Variants in BAALC observed in about 807,000 individuals in gnomAD.
The protein encoded by BAALC is BAALC binder of MAP3K1 and KLF4, also known as brain and acute leukemia cytoplasmic protein.
In BAALC, 9 loss-of-function variants were observed where a neutral mutation model predicts 15.5. That is an observed-to-expected ratio of 0.58 (90% CI 0.35 to 1.02). BAALC has a LOEUF of 1.02. Among genes scored for constraint, BAALC ranks in the 50% least tolerant of loss-of-function variants. The pLI is 0.02. For synonymous variants in BAALC, 80 were observed against 74.6 expected (o/e 1.07, Z -0.37); for missense variants, 201 against 192.4 (o/e 1.04, Z -0.27).
intron 1 of BAALC, among the ~76,000 whole-genome samples, chr8:103,190,519 T>C (rs1385671011): frequency 1.3e-5 from 2 of 152,228 alleles, no homozygotes; most frequent in Non-Finnish European, 2.9e-5. Context: ...ATTTCTGTTT[T>C]CTTGACTATT....
At chr8:103,227,869 T>C (rs1812840845) in intron 2 of BAALC, 120 bp from the exon 3 acceptor site, 1 of 681,984 alleles carries the variant, frequency 1.5e-6, no homozygotes, top group Middle Eastern at 3.7e-4. Context: ...TATGTTCCTT[T>C]TTCCCAGGCA....
intron 2 of BAALC, among the ~76,000 whole-genome samples, chr8:103,217,140 A>T (rs1024048336): frequency 6.6e-6 from 1 of 152,226 alleles, no homozygotes; most frequent in African/African-American, 2.4e-5. Flanking sequence ...TTTTGTTTTC[A>T]TAATTAAATG....
intron 1 of BAALC, among the ~76,000 whole-genome samples, chr8:103,206,719 T>C (rs1225468845): frequency 6.6e-6 from 1 of 151,886 alleles, no homozygotes; most frequent in Admixed American, 6.6e-5. Flanking sequence ...GAGCCTGAGA[T>C]GGAGATTTTG....
chr8:103,171,644 A>G (rs1811497543), intron 1 of BAALC, among the ~76,000 whole-genome samples: 1 of 152,162 alleles, frequency 6.6e-6, no homozygotes, highest in Non-Finnish European at 1.5e-5. Flanking sequence ...GAGCTAGAAA[A>G]CACTAGTTCT....
chr8:103,180,343 G>A (rs1313260907), intron 1 of BAALC, among the ~76,000 whole-genome samples: 1 of 152,154 alleles, frequency 6.6e-6, no homozygotes. Context: ...TGGCACCCAG[G>A]AACTGAATCT....
intron 1 of BAALC, among the ~76,000 whole-genome samples, chr8:103,181,466 G>T (rs978349912): frequency 1.3e-5 from 2 of 151,544 alleles, no homozygotes; most frequent in African/African-American, 4.8e-5. Flanking sequence ...AGAGATGGGG[G>T]TTTCACCATG....
At chr8:103,216,497 A>C (rs989454758) in intron 2 of BAALC, among the ~76,000 whole-genome samples, 12 of 152,248 alleles carry the variant, frequency 7.9e-5, no homozygotes, top group African/African-American at 2.9e-4. Context: ...GTATTTATCT[A>C]TTTATTTATA....
chr8:103,140,960 G>T lies in BAALC; in HGVS notation c.63G>T (p.Arg21=). 6.5e-7 allele frequency: 1 copy of T among 1,541,850 alleles called. No homozygotes were observed. The highest frequency in any genetic ancestry group is 1.2e-5 in the South Asian group (1 of 83,244). ...IEPRYYESWT[R]ETESTWLTYT... ...CCCGCTACTACGAGAGCTGGACCCG[G>T]GAGACAGAATCCACCTGGCTCACCT... Residue 21 remains arginine, a synonymous_variant, in exon 1 of 3, where the codon CGG becomes CGT. Coordinates refer to ENST00000309982, the MANE Select transcript of BAALC (RefSeq NM_024812.3). The surrounding 1 kb of genome is among the most constrained non-coding windows in gnomAD (Gnocchi z 4.2).
At chr8:103,199,624 A>G (rs1331522685) in intron 1 of BAALC, among the ~76,000 whole-genome samples, 1 of 152,020 alleles carries the variant, frequency 6.6e-6, no homozygotes, top group Non-Finnish European at 1.5e-5. Flanking sequence ...TATTTCTTAC[A>G]TCTAATAAAG....
chr8:103,148,227 C>A (rs1418103814), intron 1 of BAALC, among the ~76,000 whole-genome samples: 2 of 152,148 alleles, frequency 1.3e-5, no homozygotes, highest in Admixed American at 6.5e-5. Flanking sequence ...ACAGGGAGAA[C>A]TCCATGTGGA....
chr8:103,217,788 T>C (rs1422301504), intron 2 of BAALC, among the ~76,000 whole-genome samples: 3 of 152,234 alleles, frequency 2.0e-5, no homozygotes, highest in African/African-American at 7.2e-5. Context: ...GGAAAATTTT[T>C]TAATCAGTTC....
intron 1 of BAALC, among the ~76,000 whole-genome samples, chr8:103,206,849 G>A (rs190726966): frequency 1.3e-4 from 20 of 152,296 alleles, no homozygotes; most frequent in African/African-American, 4.8e-4. Context: ...TCTAGCCTCA[G>A]CCTGATCCTA....
intron 1 of BAALC, chr8:103,208,198 T>C (rs1812371875): frequency 6.6e-6 from 1 of 152,230 alleles, no homozygotes; most frequent in Admixed American, 6.5e-5. Flanking sequence ...CAGTGCAATA[T>C]GTGTGCAGGC....
chr8:103,146,899 A>G (rs781503819), intron 1 of BAALC, among the ~76,000 whole-genome samples: 80 of 152,142 alleles, frequency 5.3e-4, no homozygotes, highest in Admixed American at 1.2e-3. Context: ...ATGTTGTGCC[A>G]TTGGCTCTCC....
At chr8:103,195,847 C>A (rs1812083497) in intron 1 of BAALC, among the ~76,000 whole-genome samples, 3 of 152,082 alleles carry the variant, frequency 2.0e-5, no homozygotes, top group Admixed American at 2.0e-4. Flanking sequence ...TTTGAGCAAC[C>A]CAGGCATGGA....
intron 1 of BAALC, among the ~76,000 whole-genome samples, chr8:103,168,951 G>A (rs1811413714): frequency 6.6e-6 from 1 of 151,750 alleles, no homozygotes. Context: ...ATTTCCTTAA[G>A]GTTTTCAAGG....
intron 1 of BAALC, among the ~76,000 whole-genome samples, chr8:103,197,716 G>A (rs1187137080): frequency 1.3e-5 from 2 of 152,284 alleles, no homozygotes; most frequent in East Asian, 3.9e-4. Flanking sequence ...AAGGTGACGG[G>A]CAGCCAGCGT....
intron 1 of BAALC, among the ~76,000 whole-genome samples, chr8:103,204,293 G>A (rs1812282454): frequency 6.6e-6 from 1 of 152,102 alleles, no homozygotes; most frequent in African/African-American, 2.4e-5. Flanking sequence ...TTATTATTGA[G>A]TTGTAGGAGT....
chr8:103,173,741 A>C (rs1468599628), intron 1 of BAALC, among the ~76,000 whole-genome samples: 1 of 152,210 alleles, frequency 6.6e-6, no homozygotes, highest in Admixed American at 6.5e-5. Flanking sequence ...CATCAACTGG[A>C]CTTCAATGAT....
Sources: gnomAD v4.1 joint callset for allele counts (sites outside exome capture counted in the v4.1 genomes callset) on GRCh38, gnomAD v4.1.1 for gene constraint, Gnocchi (gnomAD v3.1) non-coding constraint, MANE v1.5 for transcripts, NCBI Gene and HGNC (gene_info 2026-07-23, HGNC 2026-07-21) for gene names.